The following AUTS2 variants were observed in gnomAD, a reference collection of about 807,000 sequenced individuals.
The protein encoded by AUTS2 is activator of transcription and developmental regulator AUTS2.
In AUTS2, 17 loss-of-function variants were observed where a neutral mutation model predicts 112.4. The observed-to-expected ratio is 0.15, with a 90% CI of 0.10 to 0.23. The LOEUF is 0.23. Ranked by LOEUF, AUTS2 falls within the 10% of genes least tolerant of loss-of-function variation. The pLI, the probability that AUTS2 is intolerant of heterozygous loss-of-function variation, is 1.00. For synonymous variants in AUTS2, 751 were observed against 702.7 expected (o/e 1.07, Z -1.09); for missense variants, 1,510 against 1,701.6 (o/e 0.89, Z 1.98).
At chr7:70,699,170 T>A (rs989400784) in intron 6 of AUTS2, 1 of 151,962 alleles carries the variant, frequency 6.6e-6, no homozygotes, top group Non-Finnish European at 1.5e-5. Flanking sequence ...TAGCAGTACA[T>A]TAAGGGAAAA....
intron 1 of AUTS2, among the ~76,000 whole-genome samples, chr7:69,786,614 C>G (rs542414955): frequency 5.3e-5 from 8 of 152,132 alleles, no homozygotes; most frequent in Non-Finnish European, 8.8e-5. Flanking sequence ...TAACACTCAC[C>G]ACGAAGGTCT....
At chr7:70,171,346 T>C (rs1415962942) in intron 4 of AUTS2, among the ~76,000 whole-genome samples, 1 of 152,204 alleles carries the variant, frequency 6.6e-6, no homozygotes, top group African/African-American at 2.4e-5. Flanking sequence ...CCTTTACCCT[T>C]CGCAGTTCTA....
chr7:70,765,146 C>T, intron 8 of AUTS2, 141 bp downstream of exon 8: 1 of 1,197,286 alleles, frequency 8.4e-7, no homozygotes, highest in Non-Finnish European at 1.2e-6. Flanking sequence ...CTCAAACGCT[C>T]TCTGGCCTGA....
intron 2 of AUTS2, among the ~76,000 whole-genome samples, chr7:70,029,650 ATAGATG>A (rs1443223733): frequency 2.6e-5 from 4 of 152,312 alleles, no homozygotes; most frequent in Admixed American, 1.3e-4. Flanking sequence ...CGGTTGTCAT[ATAGATG>A]TACTGCTACT....
chr7:70,446,642 G>T (rs183568379), intron 5 of AUTS2, among the ~76,000 whole-genome samples: 37 of 152,306 alleles, frequency 2.4e-4, no homozygotes, highest in African/African-American at 7.9e-4. Flanking sequence ...ACCTCTGCAG[G>T]CATCTGGGAT....
intron 1 of AUTS2, among the ~76,000 whole-genome samples, chr7:69,889,108 C>T (rs1294177087): frequency 6.6e-6 from 1 of 152,136 alleles, no homozygotes; most frequent in Non-Finnish European, 1.5e-5. Flanking sequence ...TGCTTTGTTG[C>T]CTAGGGTTCT....
intron 4 of AUTS2, among the ~76,000 whole-genome samples, chr7:70,165,963 G>A (rs1193976555): frequency 2.6e-5 from 4 of 152,124 alleles, no homozygotes; most frequent in Non-Finnish European, 2.9e-5. Flanking sequence ...TCATGATAGC[G>A]AGTGAGTTCT....
Position 69,776,254 on chromosome 7 carries a change from A to G in AUTS2, c.310-123032A>G, listed in dbSNP as rs114465961. ...GTCGTAATACTTGAACAATTTGCAC[A>G]TGATATCTATCTCTACATCCTATAT... On this transcript the variant is annotated intron_variant, in intron 1 of 18. Coordinates refer to ENST00000342771, the MANE Select transcript of AUTS2 (RefSeq NM_015570.4). Among the ~76,000 whole-genome samples the G allele has an allele frequency of 7.2e-3, 1,094 of 152,268 alleles. 17 individuals are homozygous for G. Among genetic ancestry groups the G allele is most frequent in the African/African-American group, 0.025 (1,020 of 41,528 alleles).
intron 5 of AUTS2, among the ~76,000 whole-genome samples, chr7:70,663,930 A>C (rs1807204205): frequency 6.6e-6 from 1 of 152,178 alleles, no homozygotes; most frequent in African/African-American, 2.4e-5. Context: ...GTTTTGGCTT[A>C]AGTCACATTG....
chr7:70,725,063 A>C (rs1786947053), intron 6 of AUTS2, among the ~76,000 whole-genome samples: 1 of 152,236 alleles, frequency 6.6e-6, no homozygotes. Flanking sequence ...TTTATGTAGG[A>C]TATGATATCA....
chr7:69,690,971 C>T (rs532231146), intron 1 of AUTS2, among the ~76,000 whole-genome samples: 3 of 152,170 alleles, frequency 2.0e-5, no homozygotes, highest in East Asian at 1.9e-4. Flanking sequence ...GTCATCCTGA[C>T]GAGTTTCCAG....
intron 1 of AUTS2, among the ~76,000 whole-genome samples, chr7:69,684,796 T>C (rs919227852): frequency 6.6e-6 from 1 of 152,250 alleles, no homozygotes; most frequent in Non-Finnish European, 1.5e-5. Flanking sequence ...TGTCTGAGCC[T>C]CATTCCTTGT....
At chr7:69,700,397 G>A (rs142704610) in intron 1 of AUTS2, among the ~76,000 whole-genome samples, 2 of 151,988 alleles carry the variant, frequency 1.3e-5, no homozygotes, top group African/African-American at 4.8e-5. Context: ...AGATTACGGG[G>A]ATTTTTTTTT....
intron 14 of AUTS2, among the ~76,000 whole-genome samples, chr7:70,777,499 C>CTTGA (rs141416400): frequency 0.026 from 3,980 of 151,886 alleles, 161 homozygotes; most frequent in African/African-American, 0.086. Context: ...TGGCTAATTT[C>CTTGA]TTGATTGTTG....
chr7:70,009,373 A>G (rs1233908908), intron 2 of AUTS2, among the ~76,000 whole-genome samples: 1 of 152,214 alleles, frequency 6.6e-6, no homozygotes. Flanking sequence ...TGGTTAAACC[A>G]TAGTAAGAGG....
intron 1 of AUTS2, among the ~76,000 whole-genome samples, chr7:69,657,812 C>G (rs756167111): frequency 1.3e-5 from 2 of 152,158 alleles, no homozygotes; most frequent in African/African-American, 2.4e-5. Flanking sequence ...GCATACTTCT[C>G]TTCTTAGCAT....
intron 6 of AUTS2, among the ~76,000 whole-genome samples, chr7:70,701,433 G>A (rs879339774): frequency 2.0e-5 from 3 of 152,184 alleles, no homozygotes; most frequent in Non-Finnish European, 4.4e-5. Context: ...TCTCTGGTGG[G>A]GATAAAACAA....
At chr7:70,441,427 C>T (rs560819742) in intron 5 of AUTS2, among the ~76,000 whole-genome samples, 1 of 152,124 alleles carries the variant, frequency 6.6e-6, no homozygotes, top group African/African-American at 2.4e-5. Flanking sequence ...GCTCTGTTGC[C>T]CAGGCTGGAG....
At chr7:69,696,739 G>A (rs1195941237) in intron 1 of AUTS2, among the ~76,000 whole-genome samples, 1 of 152,150 alleles carries the variant, frequency 6.6e-6, no homozygotes, top group Non-Finnish European at 1.5e-5. Context: ...ATTTTCTAAT[G>A]TGTTCTGGTC....
Sources: allele counts gnomAD v4.1 joint callset (sites outside exome capture counted in the v4.1 genomes callset), GRCh38; gene constraint gnomAD v4.1.1; transcripts MANE v1.5; gene names NCBI Gene and HGNC (gene_info 2026-07-23, HGNC 2026-07-21).